Variants in GGACT observed in about 807,000 individuals in gnomAD.
GGACT encodes gamma-glutamylaminecyclotransferase.
For missense variants in GGACT, 241 were observed against 233.2 expected (o/e 1.03, Z -0.22); for synonymous variants, 118 against 115.3 (o/e 1.02, Z -0.15).
Position 100,545,433 on chromosome 13 carries a change from A to C in GGACT, c.-10-12832T>G, listed in dbSNP as rs2088596001. Among the ~76,000 whole-genome samples, 1 of 152,030 alleles carries C rather than the reference A, an allele frequency of 6.6e-6. No individual in the cohort carries two copies. Among genetic ancestry groups the C allele is most frequent in the African/African-American group, 2.4e-5 (1 of 41,414 alleles). On this transcript the variant is annotated intron_variant, in intron 2 of 2. Transcript: ENST00000683975. The surrounding 1 kb of genome is among the most constrained non-coding windows in gnomAD (Gnocchi z 4.4). ...GACCTCCACGTCCCAGGGCCCCTGGAGGAGGGCACCCCCTCACTGCCCCCA... is the reference window on the plus strand; with the variant it reads ...GACCTCCACGTCCCAGGGCCCCTGGCGGAGGGCACCCCCTCACTGCCCCCA...
intron 2 of GGACT, among the ~76,000 whole-genome samples, chr13:100,562,963 C>T (rs1009204945): frequency 1.3e-5 from 2 of 152,064 alleles, no homozygotes; most frequent in African/African-American, 4.8e-5. Flanking sequence ...CAAGTCAAAG[C>T]GTTACTTGCC....
At chr13:100,569,302 G>A (rs571945920) in intron 2 of GGACT, among the ~76,000 whole-genome samples, 52 of 152,358 alleles carry the variant, frequency 3.4e-4, no homozygotes, top group African/African-American at 1.3e-3. Context: ...GGACATCCAG[G>A]TGCCTCTGTA....
intron 2 of GGACT, among the ~76,000 whole-genome samples, chr13:100,583,274 CACAAA>C (rs894419555): frequency 2.9e-4 from 44 of 152,066 alleles, no homozygotes; most frequent in African/African-American, 1.0e-3. Context: ...CTAAGCAAAA[CACAAA>C]ACAAAGACAC....
intron 2 of GGACT, among the ~76,000 whole-genome samples, chr13:100,543,959 C>T (rs1392595514): frequency 2.6e-5 from 4 of 152,242 alleles, no homozygotes; most frequent in African/African-American, 4.8e-5. Flanking sequence ...CGGCTGTACA[C>T]TGGTTTCAAG....
intron 2 of GGACT, among the ~76,000 whole-genome samples, chr13:100,560,492 C>T (rs887405868): frequency 6.6e-6 from 1 of 152,180 alleles, no homozygotes; most frequent in Non-Finnish European, 1.5e-5. Flanking sequence ...GCCCTTTACC[C>T]AGGAGCTTAA....
chr13:100,532,639 G>A, intron 2 of GGACT, 38 bp from the exon 3 acceptor site: 2 of 1,467,054 alleles, frequency 1.4e-6, no homozygotes, highest in Non-Finnish European at 1.8e-6. Flanking sequence ...AGCCCGCAGT[G>A]GGAGCTCTGT....
At chr13:100,567,945 G>T (rs1408157239) in intron 2 of GGACT, among the ~76,000 whole-genome samples, 1 of 152,208 alleles carries the variant, frequency 6.6e-6, no homozygotes, top group African/African-American at 2.4e-5. Flanking sequence ...AAAAAAGGCT[G>T]GTGGAGCTCT....
At chr13:100,547,942 G>A (rs1035138202) in intron 2 of GGACT, among the ~76,000 whole-genome samples, 1 of 152,262 alleles carries the variant, frequency 6.6e-6, no homozygotes, top group Non-Finnish European at 1.5e-5. Context: ...CAGGCCTGCT[G>A]GAAGACGGTG....
At chr13:100,566,125 C>T (rs1346002911) in intron 2 of GGACT, among the ~76,000 whole-genome samples, 1 of 152,206 alleles carries the variant, frequency 6.6e-6, no homozygotes, top group East Asian at 1.9e-4. Flanking sequence ...GAGAAGGCCA[C>T]AGTGCAGCCA....
chr13:100,568,161 G>T (rs1874965047), intron 2 of GGACT, among the ~76,000 whole-genome samples: 1 of 152,194 alleles, frequency 6.6e-6, no homozygotes, highest in Admixed American at 6.5e-5. Context: ...TGGATATTTG[G>T]TTGCAATCAG....
In GGACT at chr13:100,532,246, A is replaced by C; in HGVS notation, c.346T>G (p.Cys116Gly). 1 of 1,513,862 alleles carries C rather than the reference A, an allele frequency of 6.6e-7. No individual in the cohort carries two copies. The highest frequency in any genetic ancestry group is 8.9e-7 in the Non-Finnish European group (1 of 1,124,862). The allele number at this position is 1,513,862 out of a possible 1,614,324, so 93.8% of individuals were successfully genotyped here. A position where few individuals can be genotyped will look rare whatever the true frequency, so the allele number is the denominator to read the frequency against. Residue 116 changes from cysteine to glycine, a missense_variant, in exon 3 of 3, where the codon TGC becomes GGC. Coordinates refer to ENST00000683975, the MANE Select transcript of GGACT (RefSeq NM_001195087.2). ...EEPPAPTAVQCFVYSRATFPP... is the reference protein window; with the variant it reads ...EEPPAPTAVQGFVYSRATFPP... ...AAGGTGGCCCTGCTGTACACGAAGC[A>C]CTGCACCGCGGTGGGCGCTGGCGGC...
Position 100,563,728 on chromosome 13 carries a change from A to C in GGACT, c.-11+20097T>G, listed in dbSNP as rs547727041. On this transcript the variant is annotated intron_variant, in intron 2 of 2. Coordinates refer to ENST00000683975, the MANE Select transcript of GGACT (RefSeq NM_001195087.2). ...ATTAGAATATGATGTGTGGAATGCC[A>C]CAGTGAAGGGTTTGTTCAGCATGTC... Among the ~76,000 whole-genome samples the C allele has an allele frequency of 1.1e-4, 16 of 152,360 alleles. 1 individual carries two copies. In the South Asian group the frequency reaches 3.3e-3, roughly 32 times the overall value.
intron 2 of GGACT, among the ~76,000 whole-genome samples, chr13:100,569,403 C>A (rs1329837919): frequency 6.6e-6 from 1 of 152,260 alleles, no homozygotes; most frequent in Non-Finnish European, 1.5e-5. Context: ...GCTGCCAAGG[C>A]TTGGGGCTTG....
At chr13:100,564,564 A>G (rs1376112342) in intron 2 of GGACT, among the ~76,000 whole-genome samples, 1 of 152,374 alleles carries the variant, frequency 6.6e-6, no homozygotes, top group South Asian at 2.1e-4. Context: ...TAGCCCTTCC[A>G]AGTTTAGTAC....
In GGACT at chr13:100,550,768, T is replaced by A. The variant is rs935136212; in HGVS notation, c.-10-18167A>T. Among the ~76,000 whole-genome samples the A allele has an allele frequency of 7.6e-4, 115 of 152,178 alleles. 1 individual carries two copies. Among genetic ancestry groups the A allele is most frequent in the Non-Finnish European group, 3.5e-4 (24 of 68,038 alleles). On this transcript the variant is annotated intron_variant, in intron 2 of 2. Coordinates refer to ENST00000683975, the MANE Select transcript of GGACT (RefSeq NM_001195087.2). ...CCTCCCACTGAGGCGCTTTCTCCAA[T>A]CCACTCGCTTCAGAAACAGCAGAAC...
At position 100,580,360 on chromosome 13, in the gene GGACT, A is replaced by G. The variant is rs77530523; in HGVS notation, c.-11+3465T>C. Among the ~76,000 whole-genome samples, 22 of 152,348 alleles carry G rather than the reference A, an allele frequency of 1.4e-4. No homozygotes were observed. The East Asian group carries it at 4.2e-3, about 29-fold the overall frequency. On this transcript the variant is annotated intron_variant, in intron 2 of 2. Transcript: ENST00000683975. ...CAAATATCCTTATGAGGGACAGAAG[A>G]CAGACACCGAGGAGGGGGCCATGTG... is the stretch of plus-strand genomic sequence containing the variant.
chr13:100,539,717 G>C, intron 2 of GGACT: 2 of 604,700 alleles, frequency 3.3e-6, no homozygotes, highest in East Asian at 5.5e-5. Context: ...ACACTGAAAT[G>C]TTCCTTCTTC....
chr13:100,577,421 ATAAAT>A (rs1238631786), intron 2 of GGACT, among the ~76,000 whole-genome samples: 1 of 145,546 alleles, frequency 6.9e-6, no homozygotes, highest in African/African-American at 2.6e-5. Flanking sequence ...CATCTCAAAA[ATAAAT>A]AAATAAATAA....
Position 100,530,419 on chromosome 13 carries a change from CTG to C in GGACT, c.*1709_*1710del, listed in dbSNP as rs1347166662. On this transcript the variant is annotated 3_prime_UTR_variant, in exon 3 of 3. Coordinates refer to ENST00000683975, the MANE Select transcript of GGACT (RefSeq NM_001195087.2). ...TAGTGTCAAAATTAAATCAATAAAA[CTG>C]AGCATTTGTCTAAATATTAGTTTGC... 3.3e-5 allele frequency: 19 copies of C among 577,458 alleles called. No individual in the cohort carries two copies. Among genetic ancestry groups the C allele is most frequent in the Non-Finnish European group, 4.3e-5 (14 of 322,966 alleles). 35.8% of individuals were successfully genotyped at this position (577,458 alleles called of 1,614,324 possible). A position where few individuals can be genotyped will look rare whatever the true frequency, so the allele number is the denominator to read the frequency against.
Sources: gnomAD v4.1 joint callset for allele counts (sites outside exome capture counted in the v4.1 genomes callset) on GRCh38, gnomAD v4.1.1 for gene constraint, Gnocchi (gnomAD v3.1) non-coding constraint, MANE v1.5 for transcripts, NCBI Gene and HGNC (gene_info 2026-07-23, HGNC 2026-07-21) for gene names.